CTNND2: variants seen among roughly 807,000 people sequenced by gnomAD.
CTNND2 encodes catenin delta 2.
A neutral mutation model predicts 144.4 loss-of-function variants in CTNND2; 22 were observed. The ratio of observed to expected loss-of-function variants is 0.15; its 90% confidence interval spans 0.11 to 0.22. CTNND2 has a LOEUF of 0.22. CTNND2 is among the 10% of genes least tolerant of loss of function. The pLI is 1.00. For missense variants in CTNND2, 1,353 were observed against 1,618.8 expected, an observed-to-expected ratio of 0.84 and a Z score of 2.82; for synonymous variants, 751 against 695.6, an observed-to-expected ratio of 1.08 and a Z score of -1.25.
chr5:11,299,085 T>A lies in CTNND2; in HGVS notation c.1628+47287A>T, dbSNP rs1293693622. ...AGAAGCTATTTGGAGAACTATTTTA[T>A]TAGATAATAAAATGATAGTGACGCA... On this transcript the variant is annotated intron_variant, in intron 9 of 21. Coordinates refer to ENST00000304623, the MANE Select transcript of CTNND2 (RefSeq NM_001332.4). Among the ~76,000 whole-genome samples the A allele has an allele frequency of 2.0e-5, 3 of 152,166 alleles. No individual in the cohort carries two copies. In the East Asian group the frequency reaches 5.8e-4, roughly 29 times the overall value.
chr5:11,560,450 T>C lies in CTNND2; in HGVS notation c.287+4494A>G, dbSNP rs139620036. The stretch of plus-strand genomic sequence containing the variant: ...TTCCATTTCTCTACCATTATGTTAC[T>C]GATGCCTATGGAAATCAAGGAATAT... On this transcript the variant is annotated intron_variant, in intron 3 of 21. Transcript: ENST00000304623. Among the ~76,000 whole-genome samples, 617 of 152,334 alleles carry C rather than the reference T, an allele frequency of 4.1e-3. 13 individuals are homozygous for C. The highest frequency in any genetic ancestry group is 0.014 in the African/African-American group (591 of 41,584).
chr5:11,391,754 T>C (rs970868967), intron 6 of CTNND2, among the ~76,000 whole-genome samples: 1 of 152,154 alleles, frequency 6.6e-6, no homozygotes, highest in East Asian at 1.9e-4. Flanking sequence ...AAAGAAGAGA[T>C]AGCTTCTATG....
chr5:11,434,702 A>G (rs1763602537), intron 3 of CTNND2, among the ~76,000 whole-genome samples: 1 of 152,188 alleles, frequency 6.6e-6, no homozygotes, highest in Non-Finnish European at 1.5e-5. Flanking sequence ...GGTAGAATGT[A>G]GGTAGTAGAG....
intron 15 of CTNND2, among the ~76,000 whole-genome samples, chr5:11,087,219 A>C (rs1481962992): frequency 6.6e-6 from 1 of 152,172 alleles, no homozygotes; most frequent in Non-Finnish European, 1.5e-5. Flanking sequence ...GTGATTCCTA[A>C]ATTTGTTTCT....
At chr5:11,099,628 A>G (rs1023768366) in intron 14 of CTNND2, among the ~76,000 whole-genome samples, 1 of 152,186 alleles carries the variant, frequency 6.6e-6, no homozygotes. Flanking sequence ...AAATTTACTA[A>G]TACAATGTCT....
intron 2 of CTNND2, among the ~76,000 whole-genome samples, chr5:11,621,554 A>G (rs537525238): frequency 2.6e-5 from 4 of 152,326 alleles, no homozygotes; most frequent in African/African-American, 9.6e-5. Flanking sequence ...ATAGAAATAC[A>G]TTTAAATCAT....
chr5:11,099,847 C>T (rs1006452013), intron 14 of CTNND2, among the ~76,000 whole-genome samples: 2 of 151,936 alleles, frequency 1.3e-5, no homozygotes, highest in Admixed American at 1.3e-4. Flanking sequence ...GTAAAATAAA[C>T]AATTTCTTTA....
chr5:11,554,084 T>C (rs989365087), intron 3 of CTNND2, among the ~76,000 whole-genome samples: 2 of 152,206 alleles, frequency 1.3e-5, no homozygotes, highest in Admixed American at 6.5e-5. Flanking sequence ...TTAGAACTAT[T>C]ATACGCTTAA....
At chr5:11,789,274 A>G (rs1477579506) in intron 1 of CTNND2, among the ~76,000 whole-genome samples, 1 of 152,064 alleles carries the variant, frequency 6.6e-6, no homozygotes, top group African/African-American at 2.4e-5. Context: ...TTCTGAATCA[A>G]TTTTTTGCCA....
At chr5:11,369,183 T>C (rs1387565204) in intron 7 of CTNND2, among the ~76,000 whole-genome samples, 1 of 152,128 alleles carries the variant, frequency 6.6e-6, no homozygotes, top group Non-Finnish European at 1.5e-5. Context: ...TAATGGATTA[T>C]TGCAAAAAAT....
At chr5:11,762,260 A>C (rs1789308028) in intron 1 of CTNND2, among the ~76,000 whole-genome samples, 1 of 152,142 alleles carries the variant, frequency 6.6e-6, no homozygotes, top group Admixed American at 6.6e-5. Context: ...CGTTGCCCAG[A>C]CATCTTATAA....
At chr5:11,692,058 A>C (rs975345358) in intron 2 of CTNND2, among the ~76,000 whole-genome samples, 35 of 152,232 alleles carry the variant, frequency 2.3e-4, no homozygotes, top group African/African-American at 8.2e-4. Flanking sequence ...TGGTTTAAAA[A>C]AAAGTTTTCC....
At chr5:11,828,760 C>T (rs1441275043) in intron 1 of CTNND2, among the ~76,000 whole-genome samples, 2 of 152,030 alleles carry the variant, frequency 1.3e-5, no homozygotes, top group East Asian at 3.9e-4. Context: ...AAATTGGTAC[C>T]AGGAGTGGGG....
chr5:11,816,585 G>A (rs1370589782), intron 1 of CTNND2, among the ~76,000 whole-genome samples: 7 of 141,144 alleles, frequency 5.0e-5, no homozygotes, highest in Non-Finnish European at 1.1e-4. Context: ...GAGAAGCCAA[G>A]TGCAGAGCAG....
intron 1 of CTNND2, among the ~76,000 whole-genome samples, chr5:11,804,506 A>AGATT (rs546037617): frequency 7.8e-4 from 119 of 152,314 alleles, no homozygotes; most frequent in African/African-American, 2.6e-3. Flanking sequence ...ATATAATGGA[A>AGATT]GATTATTCAG....
chr5:11,237,310 C>A (rs922294426), intron 9 of CTNND2, among the ~76,000 whole-genome samples: 1 of 152,106 alleles, frequency 6.6e-6, no homozygotes, highest in Non-Finnish European at 1.5e-5. Context: ...TGAGCCAGCG[C>A]GCCCAGCCTA....
At chr5:11,661,607 T>G (rs932206034) in intron 2 of CTNND2, among the ~76,000 whole-genome samples, 1 of 152,156 alleles carries the variant, frequency 6.6e-6, no homozygotes, top group Non-Finnish European at 1.5e-5. Flanking sequence ...AACTCCTTAC[T>G]ATCATTAATA....
intron 10 of CTNND2, among the ~76,000 whole-genome samples, chr5:11,201,838 G>T (rs562657611): frequency 1.3e-5 from 2 of 152,278 alleles, no homozygotes; most frequent in East Asian, 3.9e-4. Flanking sequence ...CCAACTTACA[G>T]TTCTACCCAG....
At chr5:11,545,924 T>G (rs1775199336) in intron 3 of CTNND2, among the ~76,000 whole-genome samples, 1 of 152,184 alleles carries the variant, frequency 6.6e-6, no homozygotes, top group African/African-American at 2.4e-5. Flanking sequence ...TCCATATATA[T>G]CTATACATAC....
Sources: gnomAD v4.1 joint callset for allele counts (sites outside exome capture counted in the v4.1 genomes callset) on GRCh38, gnomAD v4.1.1 for gene constraint, MANE v1.5 for transcripts, NCBI Gene and HGNC (gene_info 2026-07-23, HGNC 2026-07-21) for gene names.